Variants in CIC observed in about 807,000 individuals in gnomAD.
CIC encodes protein capicua homolog.
Under a neutral mutation model 115.7 loss-of-function variants are expected in CIC, and 18 were observed. The ratio of observed to expected loss-of-function variants is 0.16; its 90% CI spans 0.11 to 0.23. The LOEUF (loss-of-function observed/expected upper bound fraction) is 0.23, where lower values mean the gene tolerates loss of function less well. Among genes scored for constraint, CIC ranks in the 10% least tolerant of loss-of-function variants. The probability of loss-of-function intolerance (pLI) is 1.00; values close to 1 mark genes in which losing one functional copy is unlikely to be tolerated. For missense variants in CIC, 2,000 were observed against 2,159.3 expected, an observed-to-expected ratio of 0.93 and a Z score of 1.46; for synonymous variants, 1,076 against 923.0, an observed-to-expected ratio of 1.17 and a Z score of -3.01.
In CIC at chr19:42,291,546, C is replaced by G. The variant is rs773748435; in HGVS notation, c.5426-12C>G. ...CTTGTAACCTTTTCCTTTCTTGCCTCTTAACTTCCAGCCCAGTCAGTTTCT... is the reference window on the plus strand; with the variant it reads ...CTTGTAACCTTTTCCTTTCTTGCCTGTTAACTTCCAGCCCAGTCAGTTTCT... On this transcript the variant is annotated splice_polypyrimidine_tract_variant and intron_variant, in intron 11 of 20. Coordinates refer to ENST00000681038, the MANE Select transcript of CIC (RefSeq NM_001386298.1). 1.9e-6 allele frequency: 3 copies of G among 1,612,970 alleles called. No homozygotes were observed. In the African/African-American group the frequency reaches 4.0e-5, roughly 22 times the overall value.
In CIC at chr19:42,294,938, C is replaced by T. The variant is rs958200675; in HGVS notation, c.7301C>T (p.Thr2434Met). 1.2e-5 allele frequency: 19 copies of T among 1,600,368 alleles called. No homozygotes were observed. Among genetic ancestry groups the T allele is most frequent in the African/African-American group, 5.3e-5 (4 of 74,926 alleles). ...AAGATCATGCAGGCTGCCACTCCCA[C>T]GGAGCAGCCCCCTGGAGCTGAGGCT... is the stretch of plus-strand genomic sequence containing the variant. ...RQKIMQAATP[T>M]EQPPGAEAPL... Residue 2434 changes from threonine to methionine, a missense_variant, in exon 21 of 21, where the codon ACG (threonine) becomes ATG (methionine). By Grantham distance (81) the Thr-to-Met change is moderately conservative. Around this residue, in one of 8 missense-constraint regions of CIC, gnomAD observed 133 missense variants for 116.0 expected, o/e 1.15. Transcript: ENST00000681038.
rs1157030312 is a variant in CIC, at chr19:42,287,563, C to T, written c.3328C>T (p.Arg1110Trp). ...AATGCAGCGGGAGAAGGACCACATCCGGCGGCCCATGAATGCCTTCATGAT... is the reference window on the plus strand; with the variant it reads ...AATGCAGCGGGAGAAGGACCACATCTGGCGGCCCATGAATGCCTTCATGAT... Reference protein sequence around the residue: ...SPNKREKDHIRRPMNAFMIFS... With the variant: ...SPNKREKDHIWRPMNAFMIFS... The change falls in exon 6 of 21, where the codon CGG (arginine) becomes TGG (tryptophan). Residue 1110 changes from arginine to tryptophan, a missense_variant. Transcript: ENST00000681038. The surrounding 1 kb of genome is among the most constrained non-coding windows in gnomAD (Gnocchi z 8.7). The T allele has an allele frequency of 6.2e-7, 1 of 1,613,560 alleles. No individual in the cohort carries two copies.
Position 42,287,293 on chromosome 19 carries a change from C to T in CIC, c.3180-27C>T, listed in dbSNP as rs2147187328. On this transcript the variant is annotated intron_variant, in intron 4 of 20. Transcript: ENST00000681038. This position sits in a 1 kb window ranked among gnomAD's most constrained non-coding sequence, Gnocchi z 8.7. ...GGGTGGGATGGCCAGAGACATGGCC[C>T]TCACTGTCCCTGCTGCCCCGCCGCA... The T allele has an allele frequency of 6.2e-7, 1 of 1,614,056 alleles. No homozygotes were observed. Among genetic ancestry groups the T allele is most frequent in the Non-Finnish European group, 8.5e-7 (1 of 1,180,018 alleles).
chr19:42,286,099 G>C (rs1233148350), intron 2 of CIC, among the ~76,000 whole-genome samples: 1 of 152,164 alleles, frequency 6.6e-6, no homozygotes, highest in African/African-American at 2.4e-5. Flanking sequence ...CCGATTTCTG[G>C]ATGGTGCATT....
At position 42,270,533 on chromosome 19, in the gene CIC, G is replaced by A. The variant is rs2146993652; in HGVS notation, c.-11+1152G>A. On this transcript the variant is annotated intron_variant, in intron 1 of 20. Coordinates refer to ENST00000681038, the MANE Select transcript of CIC (RefSeq NM_001386298.1). This position sits in a 1 kb window ranked among gnomAD's most constrained non-coding sequence, Gnocchi z 4.1. ...AGCTCGAAAGGGGGCGGGCAGTAAT[G>A]ACTGTTCAGGAAGTGGGTGAGGTTG... Among the ~76,000 whole-genome samples the A allele has an allele frequency of 6.6e-6, 1 of 152,354 alleles. No homozygotes were observed. Among genetic ancestry groups the A allele is most frequent in the East Asian group, 1.9e-4 (1 of 5,184 alleles).
intron 2 of CIC, among the ~76,000 whole-genome samples, chr19:42,279,370 G>T (rs2037118743): frequency 6.6e-6 from 1 of 152,242 alleles, no homozygotes; most frequent in African/African-American, 2.4e-5. Context: ...ATGAGCCCAG[G>T]GAGGTACTGA....
In CIC at chr19:42,294,020, C is replaced by T. The variant is rs1429179609; in HGVS notation, c.6853C>T (p.Leu2285=). Residue 2285 remains leucine (L), a synonymous_variant, in exon 18 of 21, where the codon CTG becomes TTG. Transcript: ENST00000681038. ...TGAGGAGGTGCTGCCCTCCCCCACC[C>T]TGCAGTCTCTGGCCACCTCACCCCG... ...RPEEVLPSPT[L]QSLATSPRAI... is the part of the protein sequence containing the mutation. 1.2e-6 allele frequency: 2 copies of T among 1,613,642 alleles called. No homozygotes were observed. Among genetic ancestry groups the T allele is most frequent in the South Asian group, 2.2e-5 (2 of 91,086 alleles).
At chr19:42,284,229 C>A in intron 2 of CIC, 1 of 146,598 alleles carries the variant, frequency 6.8e-6, no homozygotes, top group South Asian at 2.1e-4. Flanking sequence ...CGCGCGGGGC[C>A]AGAGCCGTTA....
At chr19:42,293,508 G>T (rs1257207885) in intron 16 of CIC, 84 bp from the exon 17 acceptor site, 34 of 1,603,118 alleles carry the variant, frequency 2.1e-5, no homozygotes, top group Non-Finnish European at 2.6e-5. Flanking sequence ...TGCTGGGCGG[G>T]CTCAGATCCA....
chr19:42,284,922 T>C (rs1407023952), intron 2 of CIC: 2 of 709,304 alleles, frequency 2.8e-6, no homozygotes, highest in African/African-American at 3.6e-5. Context: ...CCGGGCCGAG[T>C]GGTTAGTGAT....
chr19:42,282,725 G>A (rs764905662), intron 2 of CIC, among the ~76,000 whole-genome samples: 2 of 152,218 alleles, frequency 1.3e-5, no homozygotes, highest in African/African-American at 4.8e-5. Context: ...TTCAATCTCT[G>A]AGGCTCATTT....
In CIC at chr19:42,280,925, C is replaced by T. The variant is rs1442573480; in HGVS notation, c.2795-5846C>T. Reference sequence around the variant, plus strand: ...CCCACGTCTCTCAACCCCCCCACCCCCGCATCCCACCCATCTCCCAATCCC... The same window carrying T: ...CCCACGTCTCTCAACCCCCCCACCCTCGCATCCCACCCATCTCCCAATCCC... On this transcript the variant is annotated intron_variant, in intron 2 of 20. Coordinates refer to ENST00000681038, the MANE Select transcript of CIC (RefSeq NM_001386298.1). The surrounding 1 kb of genome is among the most constrained non-coding windows in gnomAD (Gnocchi z 4.9). 1.3e-5 allele frequency among the ~76,000 whole-genome samples: 2 copies of T among 151,676 alleles called. No individual in the cohort carries two copies. The highest frequency in any genetic ancestry group is 2.9e-5 in the Non-Finnish European group (2 of 67,864).
At chr19:42,292,254 C>T (rs1361347910) in intron 13 of CIC, 46 bp from the exon 14 acceptor site, 5 of 1,613,340 alleles carry the variant, frequency 3.1e-6, no homozygotes, top group Non-Finnish European at 4.2e-6. Context: ...AGGGGTGGGG[C>T]GGGGCCGGCT....
Position 42,293,676 on chromosome 19 carries a change from A to C in CIC, c.6607A>C (p.Ser2203Arg). The change falls in exon 17 of 21, where the codon AGC becomes CGC. Residue 2203 changes from serine to arginine, a missense_variant. Transcript: ENST00000681038. ...TCGTGGGGAGCCTCCCACTCCTCCC[A>C]GCCCGGCCCCAGCTCCAGCTGTAGC... ...ENRGEPPTPP[S>R]PAPAPAVAPG... The C allele has an allele frequency of 6.2e-7, 1 of 1,612,788 alleles. No homozygotes were observed. The highest frequency in any genetic ancestry group is 8.5e-7 in the Non-Finnish European group (1 of 1,179,760).
chr19:42,292,213 T>C lies in CIC; in HGVS notation c.5735+6T>C. 6.2e-7 allele frequency: 1 copy of C among 1,613,926 alleles called. No homozygotes were observed. ...CTGTTGCCCTCCTCCACCAGGTAAT[T>C]GCAGCTGAGCCCATACTCAGAGGCC... On this transcript the variant is annotated splice_donor_region_variant and intron_variant, in intron 13 of 20. Coordinates refer to ENST00000681038, the MANE Select transcript of CIC (RefSeq NM_001386298.1).
rs746787869 is a variant in CIC at position 42,291,593 on chromosome 19, G to C, written c.5461G>C (p.Gly1821Arg). The C allele has an allele frequency of 1.2e-5, 19 of 1,612,992 alleles. No individual in the cohort carries two copies. The highest frequency in any genetic ancestry group is 1.6e-5 in the Non-Finnish European group (19 of 1,179,984). ...SVSPVQAPPP[G>R]GSAQLLPGKV... is the part of the protein sequence containing the mutation. ...TTCTCCCGTGCAGGCCCCGCCCCCG[G>C]GTGGCTCAGCCCAGCTGCTGCCTGG... The change falls in exon 12 of 21, where the codon GGT (glycine) becomes CGT (arginine). Residue 1821 changes from glycine to arginine, a missense_variant. Physicochemically the swap from Gly to Arg is moderately radical, Grantham distance 125 (BLOSUM62 -2). Coordinates refer to ENST00000681038, the MANE Select transcript of CIC (RefSeq NM_001386298.1).
chr19:42,277,798 G>C (rs1227427506), intron 2 of CIC, among the ~76,000 whole-genome samples: 2 of 152,194 alleles, frequency 1.3e-5, no homozygotes, highest in African/African-American at 4.8e-5. Context: ...TGCCTATCCT[G>C]GCAGTTCTGA....
In CIC at chr19:42,292,546, T is replaced by G. The variant is rs199552210; in HGVS notation, c.5903-20T>G. 7.1e-4 allele frequency: 1,133 copies of G among 1,592,580 alleles called. 10 individuals carry two copies. The East Asian group carries it at 0.014, about 20-fold the overall frequency. Reference sequence around the variant, plus strand: ...CCGGGCCCTAACTTGGTCTCCTGCTTCTTCTTCTCTGTCTTTCAGCAGGCC... The same window carrying G: ...CCGGGCCCTAACTTGGTCTCCTGCTGCTTCTTCTCTGTCTTTCAGCAGGCC... On this transcript the variant is annotated intron_variant, in intron 14 of 20. Coordinates refer to ENST00000681038, the MANE Select transcript of CIC (RefSeq NM_001386298.1).
At chr19:42,285,698 G>T (rs1432203303) in intron 2 of CIC, among the ~76,000 whole-genome samples, 4 of 152,184 alleles carry the variant, frequency 2.6e-5, no homozygotes, top group Non-Finnish European at 4.4e-5. Context: ...CCCCGAGCAG[G>T]GGCCTCTCTC....
Sources: allele counts gnomAD v4.1 joint callset (sites outside exome capture counted in the v4.1 genomes callset), GRCh38; gene constraint gnomAD v4.1.1; regional missense constraint gnomAD v4.1.1; non-coding constraint Gnocchi (gnomAD v3.1); transcripts MANE v1.5; gene names NCBI Gene and HGNC (gene_info 2026-07-23, HGNC 2026-07-21).